ATP8A1: variants seen among roughly 807,000 people sequenced by gnomAD.
ATP8A1 encodes ATPase phospholipid transporting 8A1.
Under a neutral mutation model 177.7 loss-of-function variants are expected in ATP8A1, and 90 were observed. The observed-to-expected ratio is 0.51, with a 90% CI of 0.43 to 0.60. The LOEUF is 0.60. Among genes scored for constraint, ATP8A1 ranks in the 20% least tolerant of loss-of-function variants. The pLI, the probability that ATP8A1 is intolerant of heterozygous loss-of-function variation, is 0.00. For synonymous variants in ATP8A1, 493 were observed against 485.9 expected (o/e 1.01, Z -0.19); for missense variants, 1,072 against 1,392.8 (o/e 0.77, Z 3.67).
intron 25 of ATP8A1, among the ~76,000 whole-genome samples, chr4:42,481,069 T>A (rs1424110693): frequency 6.6e-6 from 1 of 152,224 alleles, no homozygotes; most frequent in Non-Finnish European, 1.5e-5. Flanking sequence ...TGTGAACTGA[T>A]GAGGACCTCA....
intron 24 of ATP8A1, among the ~76,000 whole-genome samples, chr4:42,487,780 T>A (rs1262012421): frequency 1.3e-5 from 2 of 152,158 alleles, no homozygotes; most frequent in African/African-American, 2.4e-5. Flanking sequence ...AATATCAGAA[T>A]CCTTTTACCA....
chr4:42,539,737 C>T (rs1240024285), intron 20 of ATP8A1, among the ~76,000 whole-genome samples: 2 of 152,018 alleles, frequency 1.3e-5, no homozygotes, highest in Non-Finnish European at 2.9e-5. Context: ...AATCTAAAAA[C>T]CCATCCTAAA....
intron 33 of ATP8A1, 25 bp downstream of exon 33, chr4:42,443,540 A>C: frequency 1.1e-6 from 1 of 913,358 alleles, no homozygotes; most frequent in Non-Finnish European, 1.8e-6. Context: ...GTTTTGTTGG[A>C]TTGTGAGTTA....
intron 6 of ATP8A1, chr4:42,594,317 G>A: frequency 6.2e-7 from 1 of 1,603,844 alleles, no homozygotes; most frequent in South Asian, 1.1e-5. Context: ...GTGTCAGCAG[G>A]TATATACTCT....
At chr4:42,490,464 T>G (rs972083087) in intron 24 of ATP8A1, among the ~76,000 whole-genome samples, 7 of 152,270 alleles carry the variant, frequency 4.6e-5, no homozygotes, top group Admixed American at 2.0e-4. Context: ...CCTTTTCTTC[T>G]CTCCTCAAGA....
intron 36 of ATP8A1, among the ~76,000 whole-genome samples, chr4:42,414,304 A>G (rs1213465543): frequency 2.6e-5 from 4 of 152,254 alleles, no homozygotes; most frequent in Admixed American, 2.0e-4. Context: ...AAGTTATTCA[A>G]GTAGAAAAGA....
chr4:42,628,332 T>C (rs1049343019), intron 1 of ATP8A1, among the ~76,000 whole-genome samples: 3 of 152,140 alleles, frequency 2.0e-5, no homozygotes, highest in Non-Finnish European at 4.4e-5. Flanking sequence ...GTGAGAAGCA[T>C]GAGCACAGGG....
intron 19 of ATP8A1, among the ~76,000 whole-genome samples, chr4:42,547,040 C>A (rs2153208583): frequency 6.6e-6 from 1 of 152,300 alleles, no homozygotes; most frequent in East Asian, 1.9e-4. Flanking sequence ...CCACTGACTG[C>A]CAAATTGCTA....
intron 33 of ATP8A1, among the ~76,000 whole-genome samples, chr4:42,424,781 C>A (rs1400182944): frequency 6.6e-6 from 1 of 152,174 alleles, no homozygotes; most frequent in Non-Finnish European, 1.5e-5. Flanking sequence ...CTTATCGATA[C>A]AGACCGCAGG....
chr4:42,523,422 G>A (rs1379958952), intron 21 of ATP8A1, among the ~76,000 whole-genome samples: 1 of 152,178 alleles, frequency 6.6e-6, no homozygotes, highest in Non-Finnish European at 1.5e-5. Context: ...GAACACATCA[G>A]AAGTAAGAAG....
chr4:42,448,968 T>C (rs1033413624), intron 30 of ATP8A1, among the ~76,000 whole-genome samples: 5 of 151,236 alleles, frequency 3.3e-5, no homozygotes, highest in African/African-American at 1.2e-4. Context: ...CCTGAGTAGC[T>C]GGGACCACAG....
chr4:42,461,940 CAA>C (rs1207983017), intron 27 of ATP8A1, among the ~76,000 whole-genome samples: 1 of 152,106 alleles, frequency 6.6e-6, no homozygotes, highest in Non-Finnish European at 1.5e-5. Flanking sequence ...TATGTTTTAG[CAA>C]AGAGACTGGC....
intron 9 of ATP8A1, among the ~76,000 whole-genome samples, chr4:42,583,306 A>G (rs920528351): frequency 6.6e-6 from 1 of 152,246 alleles, no homozygotes; most frequent in Non-Finnish European, 1.5e-5. Flanking sequence ...TTTATGTACA[A>G]TAGCATGCCT....
chr4:42,612,226 A>G (rs566859547), intron 5 of ATP8A1, among the ~76,000 whole-genome samples: 2 of 152,108 alleles, frequency 1.3e-5, no homozygotes, highest in East Asian at 3.9e-4. Context: ...AATTTTCAGG[A>G]AGGCTTCTTT....
intron 22 of ATP8A1, among the ~76,000 whole-genome samples, chr4:42,512,525 C>T (rs1425540249): frequency 6.6e-6 from 1 of 152,174 alleles, no homozygotes; most frequent in Non-Finnish European, 1.5e-5. Context: ...TAGTGAGTTC[C>T]TTCCTGCATG....
At position 42,583,209 on chromosome 4, in the gene ATP8A1, C is replaced by T. The variant is rs1463298330; in HGVS notation, c.723-1477G>A. Among the ~76,000 whole-genome samples the T allele has an allele frequency of 5.9e-5, 9 of 152,040 alleles. No homozygotes were observed. The East Asian group carries it at 7.7e-4, about 13-fold the overall frequency. ...GACACAGGTAAAATCAATCCCGATG[C>T]GTAGGTAACAATTGCACTTGAATGA... is the stretch of plus-strand genomic sequence containing the variant. On this transcript the variant is annotated intron_variant, in intron 9 of 36. Coordinates refer to ENST00000381668, the MANE Select transcript of ATP8A1 (RefSeq NM_006095.2).
rs556475227 is a variant in ATP8A1, at chr4:42,503,467, T to G, written c.2134A>C (p.Asn712His). The change falls in exon 24 of 37, where the codon AAT (asparagine) becomes CAT (histidine). Residue 712 changes from asparagine (N) to histidine (H), a missense_variant. Asn to His is a moderately conservative substitution (Grantham distance 68). Transcript: ENST00000381668. The stretch of plus-strand genomic sequence containing the variant: ...TTACTTACATCAAGAGAGCCTTCAT[T>G]TATAACAATCATTCCCATGTTCTTC... Reference protein sequence around the residue: ...LKKNMGMIVINEGSLDGTRET... With the variant: ...LKKNMGMIVIHEGSLDGTRET... The G allele has an allele frequency of 6.2e-7, 1 of 1,606,332 alleles. No individual in the cohort carries two copies. Among genetic ancestry groups the G allele is most frequent in the Non-Finnish European group, 8.5e-7 (1 of 1,174,478 alleles).
At chr4:42,540,071 C>T (rs187955869) in intron 20 of ATP8A1, among the ~76,000 whole-genome samples, 1 of 152,064 alleles carries the variant, frequency 6.6e-6, no homozygotes, top group African/African-American at 2.4e-5. Flanking sequence ...CCAGAATATA[C>T]AAGAAACTGA....
chr4:42,558,676 A>G (rs2153214289), intron 15 of ATP8A1, among the ~76,000 whole-genome samples: 1 of 152,350 alleles, frequency 6.6e-6, no homozygotes, highest in East Asian at 1.9e-4. Context: ...GAGAAAAGGA[A>G]GAAAAGAGCT....
Sources: allele counts gnomAD v4.1 joint callset (sites outside exome capture counted in the v4.1 genomes callset), GRCh38; gene constraint gnomAD v4.1.1; transcripts MANE v1.5; gene names NCBI Gene and HGNC (gene_info 2026-07-23, HGNC 2026-07-21).